CHL1: variants seen among roughly 807,000 people sequenced by gnomAD.
CHL1 encodes the protein cell adhesion molecule L1 like.
Under a neutral mutation model 141.9 loss-of-function variants are expected in CHL1, and 96 were observed. The ratio of observed to expected loss-of-function variants is 0.68; its 90% CI spans 0.57 to 0.80. The LOEUF (loss-of-function observed/expected upper bound fraction) is 0.80. Among genes scored for constraint, CHL1 ranks in the 30% least tolerant of loss-of-function variants. The pLI, the probability that CHL1 is intolerant of heterozygous loss-of-function variation, is 0.00. For missense variants in CHL1, 1,820 were observed against 1,457.2 expected (o/e 1.25, Z -4.05); for synonymous variants, 613 against 502.2 (o/e 1.22, Z -2.95).
At chr3:325,766 A>G (rs528440966) in intron 3 of CHL1, among the ~76,000 whole-genome samples, 193 bp from the exon 4 acceptor site, 1 of 152,232 alleles carries the variant, frequency 6.6e-6, no homozygotes, top group South Asian at 2.1e-4. Context: ...AAAACATGAA[A>G]TGATGGCAGT....
At chr3:387,789 C>G (rs1707879056) in intron 19 of CHL1, among the ~76,000 whole-genome samples, 1 of 152,098 alleles carries the variant, frequency 6.6e-6, no homozygotes, top group African/African-American at 2.4e-5. Flanking sequence ...TCCAATGAAT[C>G]CAAGTATTAA....
chr3:299,648 G>A lies in CHL1; in HGVS notation c.-94-20035G>A, dbSNP rs529228231. Among the ~76,000 whole-genome samples, 16 of 152,236 alleles carry A rather than the reference G, an allele frequency of 1.1e-4. No individual in the cohort carries two copies. In the East Asian group the frequency reaches 3.1e-3, roughly 29 times the overall value. On this transcript the variant is annotated intron_variant, in intron 2 of 27. Transcript: ENST00000256509. ...AGTTCAGCAGCTAGTTAGATACTATGTTGGGATGTGCCTCCATAACTCTCT... is the reference window on the plus strand; with the variant it reads ...AGTTCAGCAGCTAGTTAGATACTATATTGGGATGTGCCTCCATAACTCTCT...
chr3:206,657 T>C, intron 1 of CHL1, among the ~76,000 whole-genome samples: 1 of 152,162 alleles, frequency 6.6e-6, no homozygotes, highest in East Asian at 1.9e-4. Flanking sequence ...GGAGGATCAT[T>C]TGAGCCCAGG....
intron 2 of CHL1, among the ~76,000 whole-genome samples, chr3:263,306 C>T (rs1417835363): frequency 1.3e-5 from 2 of 151,876 alleles, no homozygotes; most frequent in African/African-American, 4.8e-5. Flanking sequence ...TTAAGAGTTG[C>T]AGCTCTTAGA....
At chr3:324,892 C>G (rs940086144) in intron 3 of CHL1, among the ~76,000 whole-genome samples, 2 of 151,862 alleles carry the variant, frequency 1.3e-5, no homozygotes, top group Non-Finnish European at 2.9e-5. Flanking sequence ...GTGTGGCCCA[C>G]TCCCTACTTT....
At chr3:268,072 T>C (rs1208937688) in intron 2 of CHL1, among the ~76,000 whole-genome samples, 1 of 152,240 alleles carries the variant, frequency 6.6e-6, no homozygotes, top group African/African-American at 2.4e-5. Context: ...TTATTCTTGC[T>C]TCAAATGTGT....
chr3:261,434 C>T (rs552681045), intron 2 of CHL1, among the ~76,000 whole-genome samples: 10 of 152,052 alleles, frequency 6.6e-5, no homozygotes, highest in African/African-American at 2.2e-4. Flanking sequence ...TATGAAGCAT[C>T]GTGGAAGAAA....
At chr3:287,607 G>C (rs185175206) in intron 2 of CHL1, among the ~76,000 whole-genome samples, 1 of 151,962 alleles carries the variant, frequency 6.6e-6, no homozygotes, top group Non-Finnish European at 1.5e-5. Flanking sequence ...AACTCTTTAG[G>C]TAATATTTAC....
chr3:367,905 T>A (rs1705112055), intron 15 of CHL1, among the ~76,000 whole-genome samples: 2 of 152,192 alleles, frequency 1.3e-5, no homozygotes, highest in Non-Finnish European at 2.9e-5. Flanking sequence ...GCTTCATCCA[T>A]GTCCCTGAAA....
At chr3:312,620 A>G (rs563942075) in intron 2 of CHL1, among the ~76,000 whole-genome samples, 7 of 152,324 alleles carry the variant, frequency 4.6e-5, no homozygotes, top group Admixed American at 4.6e-4. Context: ...CCAGGGGAAT[A>G]GTTTAACCTA....
intron 1 of CHL1, among the ~76,000 whole-genome samples, chr3:231,205 C>T (rs1426774588): frequency 6.6e-6 from 1 of 152,116 alleles, no homozygotes; most frequent in African/African-American, 2.4e-5. Context: ...ACAATGCATA[C>T]TGGAGATATG....
chr3:206,498 G>A (rs1413595600), intron 1 of CHL1, among the ~76,000 whole-genome samples: 1 of 152,098 alleles, frequency 6.6e-6, no homozygotes, highest in South Asian at 2.1e-4. Context: ...GGGAGGCTGA[G>A]GCTGGAGGAT....
intron 2 of CHL1, among the ~76,000 whole-genome samples, chr3:307,118 A>G (rs1699307460): frequency 6.6e-6 from 1 of 152,210 alleles, no homozygotes; most frequent in Admixed American, 6.5e-5. Flanking sequence ...ATTTTTGGTC[A>G]TTAGGTTACT....
chr3:324,327 A>G (rs1489449669), intron 3 of CHL1, among the ~76,000 whole-genome samples: 1 of 152,074 alleles, frequency 6.6e-6, no homozygotes. Context: ...TTTATTTGCC[A>G]AAGTCAGGTC....
At chr3:326,482 G>C (rs1701023196) in intron 4 of CHL1, among the ~76,000 whole-genome samples, 1 of 151,492 alleles carries the variant, frequency 6.6e-6, no homozygotes, top group Non-Finnish European at 1.5e-5. Context: ...ATCTTATTTT[G>C]TGGATAGGTT....
Position 220,524 on chromosome 3 carries a change from T to A in CHL1, c.-175+23461T>A, listed in dbSNP as rs185451207. 1.7e-3 allele frequency among the ~76,000 whole-genome samples: 265 copies of A among 151,888 alleles called. 1 individual carries two copies. The highest frequency in any genetic ancestry group is 2.9e-3 in the South Asian group (14 of 4,806). ...CGATAGCTGATGAGTTGTTTTTTTT[T>A]TAAAAAAAGGTCCATGCATAATTTT... On this transcript the variant is annotated intron_variant, in intron 1 of 27. Coordinates refer to ENST00000256509, the MANE Select transcript of CHL1 (RefSeq NM_006614.4).
At chr3:231,940 C>T (rs1291188089) in intron 1 of CHL1, among the ~76,000 whole-genome samples, 3 of 152,062 alleles carry the variant, frequency 2.0e-5, no homozygotes, top group Non-Finnish European at 2.9e-5. Flanking sequence ...TTCAGCTTAC[C>T]TAGCCCAATA....
chr3:304,464 C>A (rs1190310711), intron 2 of CHL1, among the ~76,000 whole-genome samples: 1 of 145,734 alleles, frequency 6.9e-6, no homozygotes, highest in African/African-American at 2.6e-5. Context: ...CTGGCTTAGA[C>A]TTGGGAGGGT....
intron 2 of CHL1, among the ~76,000 whole-genome samples, chr3:270,586 CTGT>C (rs1319782613): frequency 2.6e-5 from 4 of 152,274 alleles, no homozygotes; most frequent in African/African-American, 9.6e-5. Context: ...AGACATCTAC[CTGT>C]TGTTCTAGTT....
Sources: allele counts gnomAD v4.1 joint callset (sites outside exome capture counted in the v4.1 genomes callset), GRCh38; gene constraint gnomAD v4.1.1; transcripts MANE v1.5; gene names NCBI Gene and HGNC (gene_info 2026-07-23, HGNC 2026-07-21).